Variants in GABRB1 observed in about 807,000 individuals in gnomAD.
GABRB1 encodes gamma-aminobutyric acid receptor subunit beta-1.
In GABRB1, 17 loss-of-function variants were observed where a neutral mutation model predicts 51.6. The ratio of observed to expected loss-of-function variants is 0.33; its 90% CI spans 0.23 to 0.49. The LOEUF is 0.49. Among genes scored for constraint, GABRB1 ranks in the 20% least tolerant of loss-of-function variants. The probability of loss-of-function intolerance (pLI) is 0.99; values close to 1 mark genes in which losing one functional copy is unlikely to be tolerated. For synonymous variants in GABRB1, 247 were observed against 218.9 expected (o/e 1.13, Z -1.14); for missense variants, 410 against 600.6 (o/e 0.68, Z 3.32).
intron 3 of GABRB1, among the ~76,000 whole-genome samples, chr4:47,053,230 C>T (rs1385938580): frequency 2.6e-5 from 4 of 152,166 alleles, no homozygotes; most frequent in Non-Finnish European, 2.9e-5. Context: ...TTAGTCTGTT[C>T]AGGCTGCTAT....
chr4:47,319,207 T>C (rs183263770), intron 4 of GABRB1, among the ~76,000 whole-genome samples: 46 of 152,250 alleles, frequency 3.0e-4, no homozygotes, highest in African/African-American at 7.9e-4. Flanking sequence ...TATACTGTAG[T>C]ACTTTATGTA....
At chr4:47,296,403 G>A (rs1723995144) in intron 4 of GABRB1, among the ~76,000 whole-genome samples, 3 of 152,128 alleles carry the variant, frequency 2.0e-5, no homozygotes, top group Admixed American at 6.5e-5. Flanking sequence ...AAAATACAAG[G>A]ATGGAGGAAG....
chr4:47,195,316 A>G (rs1407802363), intron 4 of GABRB1, among the ~76,000 whole-genome samples: 7 of 151,974 alleles, frequency 4.6e-5, no homozygotes, highest in Non-Finnish European at 1.0e-4. Flanking sequence ...GCAGTGAGCC[A>G]AGATCATGCC....
chr4:47,278,509 G>A (rs1723164263), intron 4 of GABRB1, among the ~76,000 whole-genome samples: 2 of 152,166 alleles, frequency 1.3e-5, no homozygotes, highest in African/African-American at 4.8e-5. Context: ...TAGACACTGT[G>A]AGGATGGAAG....
chr4:47,032,752 C>T, intron 3 of GABRB1: 1 of 673,534 alleles, frequency 1.5e-6, no homozygotes, highest in Non-Finnish European at 2.8e-6. Context: ...TCTGCTGGGG[C>T]GGAGTCTGAG....
intron 2 of GABRB1, 116 bp from the exon 3 acceptor site, chr4:47,032,301 G>T (rs28750322): frequency 1.0e-6 from 1 of 967,588 alleles, no homozygotes; most frequent in Non-Finnish European, 1.6e-6. Context: ...GGGGTGGTGG[G>T]GGGAGCAGGG....
intron 4 of GABRB1, among the ~76,000 whole-genome samples, chr4:47,176,348 T>C (rs1445131293): frequency 2.6e-5 from 4 of 151,934 alleles, no homozygotes; most frequent in Non-Finnish European, 5.9e-5. Flanking sequence ...TTGAGAGAGG[T>C]AGAAATTAGT....
At chr4:47,077,341 C>A (rs1414013753) in intron 3 of GABRB1, among the ~76,000 whole-genome samples, 1 of 152,064 alleles carries the variant, frequency 6.6e-6, no homozygotes. Context: ...CTTTAGGTCA[C>A]AAAATATTCA....
intron 4 of GABRB1, among the ~76,000 whole-genome samples, chr4:47,216,020 T>C (rs1051203875): frequency 2.0e-5 from 3 of 152,030 alleles, no homozygotes; most frequent in African/African-American, 7.2e-5. Flanking sequence ...TAGTGACAGA[T>C]GGGATTGGAA....
chr4:47,052,293 G>A (rs1726385568), intron 3 of GABRB1, among the ~76,000 whole-genome samples: 1 of 152,160 alleles, frequency 6.6e-6, no homozygotes, highest in South Asian at 2.1e-4. Flanking sequence ...GATGTGAGTT[G>A]AGGCTACTGA....
intron 3 of GABRB1, among the ~76,000 whole-genome samples, chr4:47,123,194 T>C (rs1194337457): frequency 6.7e-6 from 1 of 149,942 alleles, no homozygotes; most frequent in African/African-American, 2.5e-5. Flanking sequence ...CACTACCTAC[T>C]TTACAAAAGG....
chr4:47,373,424 A>G (rs1227205689), intron 5 of GABRB1, among the ~76,000 whole-genome samples: 2 of 152,170 alleles, frequency 1.3e-5, no homozygotes, highest in Non-Finnish European at 2.9e-5. Context: ...TGGGGACAAA[A>G]CATGAGTTTC....
intron 5 of GABRB1, among the ~76,000 whole-genome samples, chr4:47,354,394 A>G (rs1476955883): frequency 6.6e-6 from 1 of 152,104 alleles, no homozygotes; most frequent in Non-Finnish European, 1.5e-5. Context: ...GTTTCCCATT[A>G]TTAAATTATT....
upstream of GABRB1, among the ~76,000 whole-genome samples, chr4:47,031,112 TC>T (rs1725273615): frequency 6.6e-6 from 1 of 151,840 alleles, no homozygotes; most frequent in Non-Finnish European, 1.5e-5. Flanking sequence ...ACTCTCCCGT[TC>T]CCTCTCTCTC....
intron 4 of GABRB1, among the ~76,000 whole-genome samples, chr4:47,267,990 T>C (rs1722706805): frequency 6.6e-6 from 1 of 152,104 alleles, no homozygotes; most frequent in African/African-American, 2.4e-5. Flanking sequence ...TCAGAGAGGT[T>C]CCAGGAAGAA....
chr4:47,156,164 G>A (rs559341947), intron 3 of GABRB1, among the ~76,000 whole-genome samples: 6 of 151,302 alleles, frequency 4.0e-5, no homozygotes, highest in African/African-American at 7.3e-5. Flanking sequence ...TTCTGTAGTC[G>A]CTGTACTTTG....
intron 3 of GABRB1, among the ~76,000 whole-genome samples, chr4:47,096,995 GC>G (rs1052239251): frequency 1.1e-4 from 17 of 152,156 alleles, no homozygotes; most frequent in Non-Finnish European, 5.9e-5. Flanking sequence ...GTTTGTTATA[GC>G]AGCAGTAGAA....
chr4:47,250,264 G>A (rs1298618069), intron 4 of GABRB1, among the ~76,000 whole-genome samples: 2 of 152,112 alleles, frequency 1.3e-5, no homozygotes. Context: ...TGTTTGAGGA[G>A]GCTGAAGATA....
At chr4:47,026,613 C>A (rs1725104038), upstream of GABRB1, among the ~76,000 whole-genome samples, 1 of 151,942 alleles carries the variant, frequency 6.6e-6, no homozygotes, top group South Asian at 2.1e-4. Flanking sequence ...ATTACAGGGA[C>A]CAACTAGAGG....
Sources: gnomAD v4.1 joint callset for allele counts (sites outside exome capture counted in the v4.1 genomes callset) on GRCh38, gnomAD v4.1.1 for gene constraint, MANE v1.5 for transcripts, NCBI Gene and HGNC (gene_info 2026-07-23, HGNC 2026-07-21) for gene names.